MYRIP: variants seen among roughly 807,000 people sequenced by gnomAD.
MYRIP encodes rab effector MyRIP.
Under a neutral mutation model 98.0 loss-of-function variants are expected in MYRIP, and 49 were observed. That is an observed-to-expected ratio of 0.50 (90% CI 0.40 to 0.63). MYRIP has a LOEUF of 0.63. MYRIP is among the 30% of genes least tolerant of loss of function. The probability of loss-of-function intolerance (pLI) is 0.00; values close to 1 mark genes in which losing one functional copy is unlikely to be tolerated. For missense variants in MYRIP, 1,004 were observed against 1,058.2 expected, an observed-to-expected ratio of 0.95 and a Z score of 0.71; for synonymous variants, 404 against 409.5, an observed-to-expected ratio of 0.99 and a Z score of 0.16.
chr3:39,949,368 G>A (rs1038652392), intron 2 of MYRIP, among the ~76,000 whole-genome samples: 23 of 152,082 alleles, frequency 1.5e-4, no homozygotes, highest in African/African-American at 5.6e-4. Context: ...TTGATTTTGA[G>A]TTGTAACTCA....
At chr3:39,833,671 C>T (rs113180564) in intron 1 of MYRIP, among the ~76,000 whole-genome samples, 6 of 152,292 alleles carry the variant, frequency 3.9e-5, no homozygotes, top group South Asian at 2.1e-4. Flanking sequence ...AGAGACTGCA[C>T]AGATTCCACT....
intron 11 of MYRIP, among the ~76,000 whole-genome samples, chr3:40,223,876 G>A (rs2125688227): frequency 6.6e-6 from 1 of 152,278 alleles, no homozygotes; most frequent in South Asian, 2.1e-4. Flanking sequence ...ATAGTGATAA[G>A]TGCTAAGAAG....
chr3:40,193,383 G>T (rs1382524428), intron 10 of MYRIP, among the ~76,000 whole-genome samples: 1 of 152,116 alleles, frequency 6.6e-6, no homozygotes, highest in African/African-American at 2.4e-5. Flanking sequence ...TGGTTCAGTG[G>T]CTTCCAACAC....
intron 4 of MYRIP, among the ~76,000 whole-genome samples, chr3:40,161,547 T>C (rs1950395887): frequency 6.6e-6 from 1 of 152,206 alleles, no homozygotes; most frequent in South Asian, 2.1e-4. Context: ...CCCCTTGGTC[T>C]TGCATCTTAT....
At chr3:39,979,100 A>T (rs1385145980) in intron 2 of MYRIP, among the ~76,000 whole-genome samples, 1 of 152,124 alleles carries the variant, frequency 6.6e-6, no homozygotes, top group Non-Finnish European at 1.5e-5. Context: ...AAAGTTTTTC[A>T]TACAGTAGAG....
intron 3 of MYRIP, among the ~76,000 whole-genome samples, chr3:40,104,683 G>A (rs1026723352): frequency 7.9e-5 from 12 of 152,166 alleles, no homozygotes; most frequent in Admixed American, 3.3e-4. Flanking sequence ...CACAGCAGGT[G>A]CACTTCCGTC....
At position 40,044,821 on chromosome 3, in the gene MYRIP, C is replaced by T. The variant is rs138371824; in HGVS notation, c.332+550C>T. Among the ~76,000 whole-genome samples the T allele has an allele frequency of 6.3e-4, 96 of 152,176 alleles. 1 individual carries two copies. The highest frequency in any genetic ancestry group is 2.7e-3 in the Admixed American group (41 of 15,286). Reference sequence around the variant, plus strand: ...CTTCATAGAGGACAAGAAATAAAAGCAAGATTGTGAAAGACAAAAAAGAGT... The same window carrying T: ...CTTCATAGAGGACAAGAAATAAAAGTAAGATTGTGAAAGACAAAAAAGAGT... On this transcript the variant is annotated intron_variant, in intron 3 of 16. Transcript: ENST00000302541.
At chr3:39,844,909 G>A (rs1941914224) in intron 1 of MYRIP, among the ~76,000 whole-genome samples, 1 of 152,180 alleles carries the variant, frequency 6.6e-6, no homozygotes, top group African/African-American at 2.4e-5. Flanking sequence ...GGACAGAGCA[G>A]CTTACTCTGC....
At chr3:39,826,029 C>A (rs11919235) in intron 1 of MYRIP, among the ~76,000 whole-genome samples, 1 of 151,788 alleles carries the variant, frequency 6.6e-6, no homozygotes, top group East Asian at 1.9e-4. Context: ...ATTGTGACAT[C>A]TTTTTTGTTT....
intron 1 of MYRIP, among the ~76,000 whole-genome samples, chr3:39,847,546 C>T (rs1328656753): frequency 6.6e-6 from 1 of 152,170 alleles, no homozygotes; most frequent in Non-Finnish European, 1.5e-5. Flanking sequence ...TCCTTGCTCT[C>T]AACAAGTACC....
At chr3:40,076,712 G>T (rs778507748) in intron 3 of MYRIP, among the ~76,000 whole-genome samples, 2 of 152,128 alleles carry the variant, frequency 1.3e-5, no homozygotes, top group South Asian at 4.1e-4. Context: ...TAGCTCAAAG[G>T]GGGACTGGCA....
At chr3:40,222,416 C>T (rs745459996) in intron 11 of MYRIP, among the ~76,000 whole-genome samples, 8 of 152,144 alleles carry the variant, frequency 5.3e-5, no homozygotes, top group Non-Finnish European at 7.4e-5. Context: ...CCTGTTTTAA[C>T]TAGTCCTCAG....
chr3:39,888,048 A>T (rs988266534), intron 1 of MYRIP, among the ~76,000 whole-genome samples: 13 of 151,860 alleles, frequency 8.6e-5, no homozygotes, highest in Non-Finnish European at 1.9e-4. Context: ...CAAATGGAAG[A>T]ACATTCCATG....
chr3:39,990,733 A>G (rs1263583415), intron 2 of MYRIP, among the ~76,000 whole-genome samples: 1 of 152,100 alleles, frequency 6.6e-6, no homozygotes, highest in East Asian at 1.9e-4. Flanking sequence ...CCAAGTAAAC[A>G]TTTTTCAGTT....
At chr3:40,252,683 T>C (rs1488121335) in intron 16 of MYRIP, among the ~76,000 whole-genome samples, 2 of 152,162 alleles carry the variant, frequency 1.3e-5, no homozygotes, top group Admixed American at 6.5e-5. Context: ...CACTCACCTA[T>C]GTGGCAAAAT....
chr3:40,134,140 A>G (rs9883358), intron 3 of MYRIP, among the ~76,000 whole-genome samples: 38,216 of 152,126 alleles, frequency 0.25, 5,075 homozygotes, highest in South Asian at 0.41. Flanking sequence ...CCGAGTCAAA[A>G]AAAGGGATGA....
At chr3:39,995,500 GAAAC>G (rs779116426) in intron 2 of MYRIP, among the ~76,000 whole-genome samples, 174 of 152,244 alleles carry the variant, frequency 1.1e-3, no homozygotes, top group Non-Finnish European at 1.9e-3. Context: ...AAGAATAAAA[GAAAC>G]AAACAGAGCC....
intron 2 of MYRIP, among the ~76,000 whole-genome samples, chr3:39,918,683 C>T (rs1040561117): frequency 2.6e-5 from 4 of 152,124 alleles, no homozygotes; most frequent in Non-Finnish European, 5.9e-5. Context: ...ATGAAGATCT[C>T]AAGGAAAGAT....
In MYRIP at chr3:40,190,103, C is replaced by T; in HGVS notation, c.1305C>T (p.Pro435=). The change falls in exon 10 of 17, where the codon CCC becomes CCT. Residue 435 remains proline, a synonymous_variant. Transcript: ENST00000302541. ...AGGCCCAGAGCTCTGACCAAGGCCC[C>T]ATAGCTGCCTCCCCATCCTCTGCAC... The part of the protein sequence containing the change: ...PTQAQSSDQG[P]IAASPSSALS... 1.2e-6 allele frequency: 2 copies of T among 1,614,050 alleles called. No homozygotes were observed. Among genetic ancestry groups the T allele is most frequent in the Non-Finnish European group, 1.7e-6 (2 of 1,179,964 alleles).
Sources: allele counts gnomAD v4.1 joint callset (sites outside exome capture counted in the v4.1 genomes callset), GRCh38; gene constraint gnomAD v4.1.1; transcripts MANE v1.5; gene names NCBI Gene and HGNC (gene_info 2026-07-23, HGNC 2026-07-21).